The following USP24 variants were observed in gnomAD, a reference collection of about 807,000 sequenced individuals.
USP24 encodes the protein ubiquitin carboxyl-terminal hydrolase 24.
Under a neutral mutation model 361.6 loss-of-function variants are expected in USP24, and 97 were observed. That is an observed-to-expected ratio of 0.27 (90% CI 0.23 to 0.32). The LOEUF is 0.32. USP24 is among the 10% of genes least tolerant of loss of function. The pLI is 1.00. For synonymous variants in USP24, 1,098 were observed against 1,124.6 expected (o/e 0.98, Z 0.47); for missense variants, 2,353 against 3,165.6 (o/e 0.74, Z 6.16).
intron 63 of USP24, 105 bp from the exon 64 acceptor site, chr1:55,074,011 A>G: frequency 1.1e-6 from 1 of 903,544 alleles, no homozygotes; most frequent in Admixed American, 2.5e-5. Flanking sequence ...CTATTTTAAT[A>G]AACAGATAAG....
At chr1:55,174,811 G>A (rs1055991502) in intron 3 of USP24, among the ~76,000 whole-genome samples, 2 of 64,038 alleles carry the variant, frequency 3.1e-5, no homozygotes, top group Non-Finnish European at 6.1e-5. Context: ...TTTAAATTTT[G>A]TAGAGACAGG....
At chr1:55,108,468 C>T (rs1252007860) in intron 39 of USP24, among the ~76,000 whole-genome samples, 1 of 152,154 alleles carries the variant, frequency 6.6e-6, no homozygotes, top group Non-Finnish European at 1.5e-5. Context: ...CCTATGTCTA[C>T]CACTTACTGT....
At chr1:55,082,941 C>A (rs184286186) in intron 58 of USP24, among the ~76,000 whole-genome samples, 1 of 152,228 alleles carries the variant, frequency 6.6e-6, no homozygotes, top group Admixed American at 6.5e-5. Context: ...CTTAAAAGAA[C>A]CACCACCAAG....
chr1:55,215,004 G>T lies in USP24; in HGVS notation c.110C>A (p.Ala37Asp). Residue 37 changes from alanine to aspartate, a missense_variant, in exon 1 of 68, where the codon GCC becomes GAC. Transcript: ENST00000294383. ...CCGCTCGTTGGTGAGCAGTGCCACG[G>T]CCTCGTTAATGTCGTTCTTGGCCAG... ...LRLAKNDINE[A>D]VALLTNERPG... 6.8e-7 allele frequency: 1 copy of T among 1,470,798 alleles called. No individual in the cohort carries two copies. 91.1% of individuals were successfully genotyped at this position (1,470,798 alleles called of 1,614,324 possible). A position where few individuals can be genotyped will look rare whatever the true frequency, so the allele number is the denominator to read the frequency against.
chr1:55,071,801 C>G lies in USP24; in HGVS notation c.7800+13G>C, dbSNP rs76967079. On this transcript the variant is annotated intron_variant, in intron 67 of 67. Transcript: ENST00000294383. Reference sequence around the variant, plus strand: ...GCTGCCCTTTGCACACAAGGACATGCTGACCGTTATACCTGCTGTAGATGC... The same window carrying G: ...GCTGCCCTTTGCACACAAGGACATGGTGACCGTTATACCTGCTGTAGATGC... 0.033 allele frequency: 52,245 copies of G among 1,606,296 alleles called. 953 individuals carry two copies. Among genetic ancestry groups the G allele is most frequent in the Non-Finnish European group, 0.036 (42,004 of 1,175,684 alleles).
intron 5 of USP24, among the ~76,000 whole-genome samples, chr1:55,168,934 T>C (rs1383735349): frequency 2.0e-5 from 3 of 151,972 alleles, no homozygotes; most frequent in Non-Finnish European, 4.4e-5. Context: ...CTAAGAAATA[T>C]GAGTTCACAG....
chr1:55,135,639 G>C (rs1197823058), intron 28 of USP24, among the ~76,000 whole-genome samples: 1 of 152,084 alleles, frequency 6.6e-6, no homozygotes, highest in East Asian at 1.9e-4. Flanking sequence ...CACTAAACTT[G>C]AAGAGTTCTT....
chr1:55,199,616 T>TGAGAGA (rs754249587), intron 1 of USP24, among the ~76,000 whole-genome samples: 17 of 144,934 alleles, frequency 1.2e-4, no homozygotes, highest in East Asian at 4.0e-4. Context: ...TGTGTGTGTG[T>TGAGAGA]GTGTGTGAGA....
intron 32 of USP24, among the ~76,000 whole-genome samples, chr1:55,126,536 C>T (rs1312165769): frequency 6.6e-6 from 1 of 152,210 alleles, no homozygotes. Context: ...CTGCTCTGTT[C>T]TCATTGCTTA....
rs1279292776 is a variant in USP24 at position 55,214,762 on chromosome 1, A to T, written c.324+28T>A. On this transcript the variant is annotated intron_variant, in intron 1 of 67. Coordinates refer to ENST00000294383, the MANE Select transcript of USP24 (RefSeq NM_015306.3). ...AGGAACTCCAGCCCAGTGGCTTCCC[A>T]CAGAGGTCTGGGGTTGCCCCTCCTC... 5 of 1,203,552 alleles carry T rather than the reference A, an allele frequency of 4.2e-6. No homozygotes were observed. The African/African-American group carries it at 6.4e-5, about 15-fold the overall frequency. 74.6% of individuals were successfully genotyped at this position (1,203,552 alleles called of 1,614,324 possible).
At chr1:55,088,486 T>C (rs1376220943) in intron 55 of USP24, among the ~76,000 whole-genome samples, 2 of 152,166 alleles carry the variant, frequency 1.3e-5, no homozygotes, top group African/African-American at 2.4e-5. Context: ...GGTGTGCACA[T>C]GTAGAGAGAT....
chr1:55,079,817 G>A (rs1224844602), intron 59 of USP24, among the ~76,000 whole-genome samples, 158 bp from the exon 60 acceptor site: 5 of 122,762 alleles, frequency 4.1e-5, no homozygotes, highest in Non-Finnish European at 8.0e-5. Flanking sequence ...CTGAGTACTC[G>A]CAGAGTACTT....
At chr1:55,198,366 G>A (rs1179015507) in intron 1 of USP24, among the ~76,000 whole-genome samples, 4 of 152,144 alleles carry the variant, frequency 2.6e-5, no homozygotes, top group South Asian at 2.1e-4. Flanking sequence ...GGATGAAGTC[G>A]GAGAGAATGA....
chr1:55,102,618 T>A (rs575903155), intron 42 of USP24, among the ~76,000 whole-genome samples: 1 of 152,088 alleles, frequency 6.6e-6, no homozygotes, highest in East Asian at 1.9e-4. Context: ...ACATCAGACA[T>A]ATACTTACAG....
At chr1:55,203,068 C>T (rs1273319240) in intron 1 of USP24, among the ~76,000 whole-genome samples, 1 of 152,150 alleles carries the variant, frequency 6.6e-6, no homozygotes, top group Non-Finnish European at 1.5e-5. Context: ...CCAATTTATA[C>T]ATTAAACTTT....
chr1:55,141,910 C>T (rs1262278090), intron 23 of USP24, among the ~76,000 whole-genome samples, 179 bp from the exon 24 acceptor site: 1 of 152,114 alleles, frequency 6.6e-6, no homozygotes, highest in Admixed American at 6.5e-5. Context: ...AGTTGGACAA[C>T]CAAAAATGCC....
intron 1 of USP24, among the ~76,000 whole-genome samples, chr1:55,192,146 G>T (rs1184817502): frequency 1.7e-5 from 2 of 115,830 alleles, no homozygotes; most frequent in East Asian, 4.7e-4. Flanking sequence ...TAATAAGAGA[G>T]TTTAATATTT....
At chr1:55,161,704 C>T (rs1357771928) in intron 8 of USP24, among the ~76,000 whole-genome samples, 1 of 152,178 alleles carries the variant, frequency 6.6e-6, no homozygotes. Flanking sequence ...CATTAGAAAA[C>T]TGAACACTCA....
rs886124065 is a variant in USP24 at position 55,074,835 on chromosome 1, A to G, written c.7447+622T>C. On this transcript the variant is annotated intron_variant, in intron 63 of 67. Coordinates refer to ENST00000294383, the MANE Select transcript of USP24 (RefSeq NM_015306.3). ...TTTTTAGCTTAAATCTTTTTTCTAC[A>G]ACAGAAAAAGGCCCTAAATCTCTTA... 2.0e-5 allele frequency among the ~76,000 whole-genome samples: 3 copies of G among 152,208 alleles called. No individual in the cohort carries two copies. The South Asian group carries it at 6.2e-4, about 32-fold the overall frequency.
Sources: gnomAD v4.1 joint callset for allele counts (sites outside exome capture counted in the v4.1 genomes callset) on GRCh38, gnomAD v4.1.1 for gene constraint, MANE v1.5 for transcripts, NCBI Gene and HGNC (gene_info 2026-07-23, HGNC 2026-07-21) for gene names.